The following MCC variants were observed in gnomAD, a reference collection of about 807,000 sequenced individuals.
The protein encoded by MCC is colorectal mutant cancer protein.
A neutral mutation model predicts 116.2 loss-of-function variants in MCC; 90 were observed. That is an observed-to-expected ratio of 0.77 (90% CI 0.65 to 0.92). MCC has a LOEUF of 0.92. MCC is among the 40% of genes least tolerant of loss of function. MCC has a pLI of 0.00. For missense variants in MCC, 1,516 were observed against 1,312.2 expected (o/e 1.16, Z -2.40); for synonymous variants, 578 against 510.5 (o/e 1.13, Z -1.78).
intron 1 of MCC, among the ~76,000 whole-genome samples, chr5:113,472,617 A>C (rs527653557): frequency 6.6e-6 from 1 of 152,370 alleles, no homozygotes; most frequent in South Asian, 2.1e-4. Flanking sequence ...GTAAGTATGG[A>C]AGATTTAGGA....
At chr5:113,364,211 A>C (rs1768624155) in intron 2 of MCC, among the ~76,000 whole-genome samples, 1 of 142,564 alleles carries the variant, frequency 7.0e-6, no homozygotes, top group Non-Finnish European at 1.5e-5. Flanking sequence ...AGCCTGGGTG[A>C]CAGAGTGAGA....
intron 3 of MCC, among the ~76,000 whole-genome samples, chr5:113,291,258 C>A (rs1019735932): frequency 1.3e-5 from 2 of 152,182 alleles, no homozygotes; most frequent in Non-Finnish European, 2.9e-5. Flanking sequence ...CAAATCCCTC[C>A]TATCTCCCTA....
chr5:113,419,984 C>T (rs962158225), intron 1 of MCC, among the ~76,000 whole-genome samples: 1 of 149,738 alleles, frequency 6.7e-6, no homozygotes, highest in South Asian at 2.1e-4. Flanking sequence ...AACAAACCTG[C>T]ACGTTGTGCA....
At chr5:113,055,038 T>G (rs1419224056) in intron 14 of MCC, among the ~76,000 whole-genome samples, 1 of 152,222 alleles carries the variant, frequency 6.6e-6, no homozygotes, top group Non-Finnish European at 1.5e-5. Flanking sequence ...CTCATGGAAC[T>G]GGTCTGAAGA....
chr5:113,283,690 C>A (rs146188990), intron 3 of MCC, among the ~76,000 whole-genome samples: 165 of 152,270 alleles, frequency 1.1e-3, no homozygotes, highest in African/African-American at 3.8e-3. Flanking sequence ...ATTGTCCCTG[C>A]TAGGCTCCAA....
chr5:113,408,821 C>A (rs1026963327), intron 1 of MCC, among the ~76,000 whole-genome samples: 1 of 152,114 alleles, frequency 6.6e-6, no homozygotes, highest in African/African-American at 2.4e-5. Context: ...CTGAGTAGAG[C>A]AAGGGAGCAG....
chr5:113,407,309 G>C (rs1171650296), intron 1 of MCC, among the ~76,000 whole-genome samples: 1 of 152,176 alleles, frequency 6.6e-6, no homozygotes, highest in Non-Finnish European at 1.5e-5. Flanking sequence ...ACTTTAAGGA[G>C]AAACTGGGTG....
At chr5:113,188,839 C>T (rs1762021731) in intron 3 of MCC, among the ~76,000 whole-genome samples, 1 of 152,180 alleles carries the variant, frequency 6.6e-6, no homozygotes, top group Non-Finnish European at 1.5e-5. Context: ...CCTGACTCCA[C>T]AGTTTTTAAT....
intron 3 of MCC, among the ~76,000 whole-genome samples, chr5:113,247,224 T>C (rs1284245038): frequency 6.6e-6 from 1 of 152,180 alleles, no homozygotes; most frequent in Non-Finnish European, 1.5e-5. Context: ...AAGTGGGGGT[T>C]TCATCAAGGG....
At chr5:113,208,205 A>G (rs1719331867) in intron 3 of MCC, among the ~76,000 whole-genome samples, 1 of 152,142 alleles carries the variant, frequency 6.6e-6, no homozygotes, top group African/African-American at 2.4e-5. Flanking sequence ...GAAGATATGT[A>G]TCTTCAATAC....
intron 3 of MCC, chr5:113,295,072 AGCAGGCATCCTTCCAGTTCTCT>A: frequency 2.5e-6 from 1 of 400,280 alleles, no homozygotes; most frequent in Non-Finnish European, 3.4e-6. Flanking sequence ...GGGAGAGCAG[AGCAGGCATCCTTCCAGTTCTCT>A]GCAATAGTAA....
At position 113,108,408 on chromosome 5, in the gene MCC, A is replaced by T. The variant is rs1756880534; in HGVS notation, c.1028-4053T>A. 8.8e-5 allele frequency among the ~76,000 whole-genome samples: 13 copies of T among 148,506 alleles called. No individual in the cohort carries two copies. In the Admixed American group the frequency reaches 8.8e-4, roughly 10 times the overall value. ...GGTGGCTCATGCCTATAATCCCAGCACTTTGGGAGGCTGAGGCGGGCAGAT... is the reference window on the plus strand; with the variant it reads ...GGTGGCTCATGCCTATAATCCCAGCTCTTTGGGAGGCTGAGGCGGGCAGAT... On this transcript the variant is annotated intron_variant, in intron 6 of 18. Transcript: ENST00000408903.
At chr5:113,269,069 G>A (rs1397395318) in intron 3 of MCC, 3 of 646,708 alleles carry the variant, frequency 4.6e-6, no homozygotes, top group African/African-American at 4.0e-5. Context: ...CAAACAGATG[G>A]GTGGGTGAAT....
At chr5:113,082,594 C>T (rs191972153) in intron 11 of MCC, among the ~76,000 whole-genome samples, 64 of 152,304 alleles carry the variant, frequency 4.2e-4, no homozygotes, top group African/African-American at 1.5e-3. Context: ...GAATTTAAAA[C>T]GTTGACAGCA....
chr5:113,395,619 C>T (rs1252248384), intron 1 of MCC, among the ~76,000 whole-genome samples: 1 of 152,282 alleles, frequency 6.6e-6, no homozygotes, highest in Admixed American at 6.5e-5. Context: ...CTCTTTCCCC[C>T]CAGGCTGCTG....
intron 3 of MCC, among the ~76,000 whole-genome samples, chr5:113,278,754 T>G (rs1380619010): frequency 6.6e-6 from 1 of 152,070 alleles, no homozygotes; most frequent in Non-Finnish European, 1.5e-5. Context: ...ACAGGGTATA[T>G]GGGGCTGGGT....
At chr5:113,340,346 A>G (rs1767979002) in intron 3 of MCC, among the ~76,000 whole-genome samples, 173 bp downstream of exon 3, 2 of 152,228 alleles carry the variant, frequency 1.3e-5, no homozygotes, top group African/African-American at 2.4e-5. Flanking sequence ...GAAGTCCCTA[A>G]GTGCTGGCAA....
intron 2 of MCC, among the ~76,000 whole-genome samples, chr5:113,376,546 A>G (rs1768983022): frequency 6.6e-6 from 1 of 151,150 alleles, no homozygotes; most frequent in Non-Finnish European, 1.5e-5. Context: ...TATAAGACAC[A>G]CATGAATCTC....
intron 12 of MCC, among the ~76,000 whole-genome samples, chr5:113,070,205 G>C (rs1204226737): frequency 1.3e-5 from 2 of 152,146 alleles, no homozygotes; most frequent in African/African-American, 2.4e-5. Flanking sequence ...AAACAAGAAT[G>C]TTTCTTAAAC....
Sources: allele counts gnomAD v4.1 joint callset (sites outside exome capture counted in the v4.1 genomes callset), GRCh38; gene constraint gnomAD v4.1.1; transcripts MANE v1.5; gene names NCBI Gene and HGNC (gene_info 2026-07-23, HGNC 2026-07-21).